CLYBL: variants seen among roughly 807,000 people sequenced by gnomAD.
CLYBL encodes citramalyl-CoA lyase.
In CLYBL, 31 loss-of-function variants were observed where a neutral mutation model predicts 38.9. The ratio of observed to expected loss-of-function variants is 0.80; its 90% confidence interval spans 0.60 to 1.08. CLYBL has a LOEUF of 1.08. Among genes scored for constraint, CLYBL ranks in the 50% least tolerant of loss-of-function variants. The probability of loss-of-function intolerance (pLI) is 0.00; values close to 1 mark genes in which losing one functional copy is unlikely to be tolerated. For missense variants in CLYBL, 434 were observed against 411.6 expected (o/e 1.05, Z -0.47); for synonymous variants, 171 against 158.6 (o/e 1.08, Z -0.59).
At chr13:99,736,911 G>A (rs1469076371) in intron 1 of CLYBL, among the ~76,000 whole-genome samples, 4 of 152,030 alleles carry the variant, frequency 2.6e-5, no homozygotes, top group Non-Finnish European at 5.9e-5. Context: ...TAGGTGCCCA[G>A]TATCTATTTG....
At chr13:99,812,632 G>C (rs1215901287) in intron 2 of CLYBL, among the ~76,000 whole-genome samples, 1 of 152,206 alleles carries the variant, frequency 6.6e-6, no homozygotes, top group Non-Finnish European at 1.5e-5. Context: ...GAGGGATAAA[G>C]GACCAGGGAG....
At chr13:99,894,883 C>G (rs1182696920), downstream of CLYBL, 9 of 152,026 alleles carry the variant, frequency 5.9e-5, no homozygotes, top group Admixed American at 5.9e-4. Context: ...CAGTCAGAGT[C>G]AGGCAGTGTC....
intron 1 of CLYBL, among the ~76,000 whole-genome samples, chr13:99,629,331 C>G (rs1286004566): frequency 6.6e-6 from 1 of 152,210 alleles, no homozygotes; most frequent in Non-Finnish European, 1.5e-5. Context: ...TAGACATTGC[C>G]TCCTGACAAG....
At chr13:99,885,576 G>A (rs1457484923) in intron 7 of CLYBL, among the ~76,000 whole-genome samples, 2 of 152,140 alleles carry the variant, frequency 1.3e-5, no homozygotes, top group African/African-American at 2.4e-5. Flanking sequence ...CTAGAAAAGT[G>A]CCACTCCCTA....
In CLYBL at chr13:99,608,000, C is replaced by T. The variant is rs573254150; in HGVS notation, c.62+1243C>T. On this transcript the variant is annotated intron_variant, in intron 1 of 8. Coordinates refer to ENST00000339105, the MANE Select transcript of CLYBL (RefSeq NM_206808.5). ...CTCAAGGGGGTCCACCCGGATCAGC[C>T]TCCCAAAGTGCTGGGATTACAGGCG... 4.6e-5 allele frequency among the ~76,000 whole-genome samples: 7 copies of T among 151,780 alleles called. No individual in the cohort carries two copies. In the East Asian group the frequency reaches 1.4e-3, roughly 29 times the overall value.
intron 2 of CLYBL, among the ~76,000 whole-genome samples, chr13:99,788,539 A>C (rs1243956299): frequency 1.3e-5 from 2 of 152,198 alleles, no homozygotes; most frequent in Admixed American, 1.3e-4. Flanking sequence ...CTTGCATCCC[A>C]GGGATGAAGC....
At chr13:99,763,548 C>CTTTTTTTTT (rs59409196) in intron 1 of CLYBL, among the ~76,000 whole-genome samples, 106 of 116,046 alleles carry the variant, frequency 9.1e-4, no homozygotes, top group East Asian at 1.3e-3. Flanking sequence ...TCTTTTTATT[C>CTTTTTTTTT]TTTTTTTTTT....
At chr13:99,608,123 G>A (rs889143518) in intron 1 of CLYBL, among the ~76,000 whole-genome samples, 1 of 141,978 alleles carries the variant, frequency 7.0e-6, no homozygotes, top group African/African-American at 2.7e-5. Flanking sequence ...CCAGGCTGGA[G>A]TGCAATGGCG....
intron 8 of CLYBL, 21 bp downstream of exon 8, chr13:99,891,458 G>A (rs1344062150): frequency 7.1e-7 from 1 of 1,418,084 alleles, no homozygotes; most frequent in Non-Finnish European, 1.0e-6. Flanking sequence ...CATATACAGT[G>A]GGGTTCTTAA....
At chr13:99,797,647 C>G (rs2050050881) in intron 2 of CLYBL, among the ~76,000 whole-genome samples, 1 of 151,056 alleles carries the variant, frequency 6.6e-6, no homozygotes, top group South Asian at 2.1e-4. Context: ...TTGACAGCTC[C>G]CCTTAGTCCA....
chr13:99,632,397 A>G (rs192060789), intron 1 of CLYBL, among the ~76,000 whole-genome samples: 6 of 152,364 alleles, frequency 3.9e-5, no homozygotes, highest in Admixed American at 6.5e-5. Context: ...AGAAATGTGC[A>G]GAATCTGGAA....
chr13:99,749,605 T>A (rs1341340721), intron 1 of CLYBL, among the ~76,000 whole-genome samples: 1 of 152,212 alleles, frequency 6.6e-6, no homozygotes, highest in East Asian at 1.9e-4. Context: ...CAAAAGACCA[T>A]GTCTTCATTT....
chr13:99,681,150 G>A (rs1362211385), intron 1 of CLYBL, among the ~76,000 whole-genome samples: 1 of 152,186 alleles, frequency 6.6e-6, no homozygotes, highest in Non-Finnish European at 1.5e-5. Context: ...GAGTGATTCT[G>A]GATTGGATCT....
chr13:99,673,613 G>C (rs1006007504), intron 1 of CLYBL, among the ~76,000 whole-genome samples: 6 of 152,186 alleles, frequency 3.9e-5, no homozygotes, highest in Admixed American at 3.9e-4. Flanking sequence ...GTGGTTAGCA[G>C]GGAGGGCTGT....
chr13:99,641,041 CAT>C lies in CLYBL; in HGVS notation c.62+34287_62+34288del, dbSNP rs368695939. Among the ~76,000 whole-genome samples, 726 of 152,266 alleles carry C rather than the reference CAT, an allele frequency of 4.8e-3. 10 individuals are homozygous for C. Among genetic ancestry groups the C allele is most frequent in the African/African-American group, 0.016 (665 of 41,550 alleles). The stretch of plus-strand genomic sequence containing the variant: ...ATTCTCATTAGTTGGTTTTATGAAT[CAT>C]ATCACCAAATGAAAATTTGAAAAGT... On this transcript the variant is annotated intron_variant, in intron 1 of 8. Transcript: ENST00000339105.
chr13:99,706,025 G>A (rs1009074872), intron 1 of CLYBL, among the ~76,000 whole-genome samples: 2 of 151,610 alleles, frequency 1.3e-5, no homozygotes, highest in African/African-American at 4.9e-5. Context: ...TCCGCCTCCT[G>A]GGCTCAAGCA....
chr13:99,667,850 A>G (rs1834068994), intron 1 of CLYBL, among the ~76,000 whole-genome samples: 2 of 152,238 alleles, frequency 1.3e-5, no homozygotes, highest in South Asian at 4.1e-4. Context: ...TTTTGGAACA[A>G]AAGGATAGAT....
At chr13:99,770,562 C>T (rs1490098109) in intron 1 of CLYBL, among the ~76,000 whole-genome samples, 2 of 152,136 alleles carry the variant, frequency 1.3e-5, no homozygotes, top group Non-Finnish European at 2.9e-5. Flanking sequence ...CATGATCCGC[C>T]CGTCTCGGCC....
downstream of CLYBL, among the ~76,000 whole-genome samples, chr13:99,897,965 G>GAAA (rs1309491463): frequency 2.0e-5 from 3 of 151,892 alleles, no homozygotes; most frequent in African/African-American, 7.3e-5. Flanking sequence ...AAGAAAGAAA[G>GAAA]AAAACTGGGC....
Sources: gnomAD v4.1 joint callset for allele counts (sites outside exome capture counted in the v4.1 genomes callset) on GRCh38, gnomAD v4.1.1 for gene constraint, MANE v1.5 for transcripts, NCBI Gene and HGNC (gene_info 2026-07-23, HGNC 2026-07-21) for gene names.